The following GRM7 variants were observed in gnomAD, a reference collection of about 807,000 sequenced individuals.
The protein encoded by GRM7 is metabotropic glutamate receptor 7.
In GRM7, 35 loss-of-function variants were observed where a neutral mutation model predicts 84.5. The ratio of observed to expected loss-of-function variants is 0.41; its 90% CI spans 0.32 to 0.55. The LOEUF (loss-of-function observed/expected upper bound fraction) is 0.55, where lower values mean the gene tolerates loss of function less well. Ranked by LOEUF, GRM7 falls within the 20% of genes least tolerant of loss-of-function variation. The pLI is 0.19. For missense variants in GRM7, 1,003 were observed against 1,194.6 expected, an observed-to-expected ratio of 0.84 and a Z score of 2.36; for synonymous variants, 487 against 455.1, an observed-to-expected ratio of 1.07 and a Z score of -0.89.
At chr3:7,070,619 G>A (rs1215017647) in intron 1 of GRM7, among the ~76,000 whole-genome samples, 1 of 152,002 alleles carries the variant, frequency 6.6e-6, no homozygotes, top group Non-Finnish European at 1.5e-5. Flanking sequence ...TCACTACGGG[G>A]ATATAACGGA....
intron 2 of GRM7, among the ~76,000 whole-genome samples, chr3:7,282,077 C>T (rs1699270986): frequency 6.6e-6 from 1 of 152,072 alleles, no homozygotes; most frequent in African/African-American, 2.4e-5. Context: ...GATGAGACTC[C>T]ATCTCTACGA....
intron 7 of GRM7, among the ~76,000 whole-genome samples, chr3:7,467,990 G>T (rs931839901): frequency 2.6e-5 from 4 of 152,056 alleles, no homozygotes; most frequent in Non-Finnish European, 5.9e-5. Flanking sequence ...TAGAATTTTG[G>T]CTGTCACAGA....
chr3:7,016,767 T>G (rs1695581833), intron 1 of GRM7, among the ~76,000 whole-genome samples: 1 of 152,202 alleles, frequency 6.6e-6, no homozygotes, highest in African/African-American at 2.4e-5. Context: ...CGTATTCATT[T>G]TAATCCTCAT....
chr3:7,209,918 C>T (rs930623095), intron 2 of GRM7, among the ~76,000 whole-genome samples: 1 of 151,998 alleles, frequency 6.6e-6, no homozygotes, highest in Non-Finnish European at 1.5e-5. Flanking sequence ...CTCTCAAGTA[C>T]AAGGGGAGAG....
chr3:7,031,767 C>T (rs958150765), intron 1 of GRM7, among the ~76,000 whole-genome samples: 8 of 151,928 alleles, frequency 5.3e-5, no homozygotes, highest in African/African-American at 1.9e-4. Context: ...ATTCCTGTGT[C>T]CCATGTAGAA....
At chr3:7,413,717 T>C (rs1226437187) in intron 4 of GRM7, among the ~76,000 whole-genome samples, 2 of 152,078 alleles carry the variant, frequency 1.3e-5, no homozygotes, top group Admixed American at 6.6e-5. Context: ...ATACAGTAAG[T>C]TGGTGATGGA....
chr3:7,454,102 T>TCTCTCTCC (rs1575360065), intron 6 of GRM7, among the ~76,000 whole-genome samples: 1 of 82,188 alleles, frequency 1.2e-5, no homozygotes, highest in African/African-American at 3.2e-5. Flanking sequence ...TCTCTCTCTC[T>TCTCTCTCC]CTCTCTCTCT....
At chr3:7,595,051 A>G (rs1695975402) in intron 8 of GRM7, among the ~76,000 whole-genome samples, 1 of 152,134 alleles carries the variant, frequency 6.6e-6, no homozygotes, top group African/African-American at 2.4e-5. Context: ...TATTCAGTCA[A>G]TTGTTGATTG....
intron 2 of GRM7, among the ~76,000 whole-genome samples, chr3:7,240,305 A>G (rs1697509722): frequency 6.6e-6 from 1 of 151,422 alleles, no homozygotes; most frequent in African/African-American, 2.4e-5. Context: ...GACTTGTGAT[A>G]GTGAGGGGCC....
At chr3:7,218,075 G>C (rs1469257445) in intron 2 of GRM7, among the ~76,000 whole-genome samples, 2 of 152,064 alleles carry the variant, frequency 1.3e-5, no homozygotes, top group Non-Finnish European at 2.9e-5. Flanking sequence ...TGACTCTGTA[G>C]TGACTGGGAT....
At chr3:7,672,060 T>G (rs934272270) in intron 8 of GRM7, among the ~76,000 whole-genome samples, 1 of 152,064 alleles carries the variant, frequency 6.6e-6, no homozygotes, top group Non-Finnish European at 1.5e-5. Context: ...TTCTAAAGGA[T>G]GCAAACTCCC....
intron 2 of GRM7, among the ~76,000 whole-genome samples, chr3:7,173,354 G>A (rs1695046002): frequency 6.6e-6 from 1 of 152,150 alleles, no homozygotes; most frequent in Non-Finnish European, 1.5e-5. Flanking sequence ...AGGGACATCA[G>A]AAAAAACTTA....
intron 9 of GRM7, among the ~76,000 whole-genome samples, chr3:7,738,713 T>G (rs1702584136): frequency 6.7e-6 from 1 of 150,300 alleles, no homozygotes. Context: ...AGTACAAGCT[T>G]CTGGGTTTTC....
intron 2 of GRM7, among the ~76,000 whole-genome samples, chr3:7,164,136 A>G (rs1694722645): frequency 6.6e-6 from 1 of 152,204 alleles, no homozygotes; most frequent in Admixed American, 6.5e-5. Flanking sequence ...AGGTGGGCAG[A>G]ACACTTGAGG....
intron 4 of GRM7, among the ~76,000 whole-genome samples, chr3:7,413,487 A>T (rs894889484): frequency 3.3e-5 from 5 of 152,230 alleles, no homozygotes; most frequent in Non-Finnish European, 7.3e-5. Flanking sequence ...AGTCAGCAAG[A>T]AGTAACTAAA....
intron 1 of GRM7, among the ~76,000 whole-genome samples, chr3:6,870,705 G>T (rs965760438): frequency 6.6e-6 from 1 of 152,108 alleles, no homozygotes; most frequent in Non-Finnish European, 1.5e-5. Flanking sequence ...CTTCTAAGAA[G>T]GGATACGTTT....
chr3:7,432,922 T>G (rs1271655924), intron 5 of GRM7, among the ~76,000 whole-genome samples: 1 of 151,886 alleles, frequency 6.6e-6, no homozygotes, highest in Non-Finnish European at 1.5e-5. Flanking sequence ...ATCCCAGAAG[T>G]GAATAATGAG....
At chr3:7,018,812 G>T (rs1392135410) in intron 1 of GRM7, among the ~76,000 whole-genome samples, 1 of 152,210 alleles carries the variant, frequency 6.6e-6, no homozygotes, top group Non-Finnish European at 1.5e-5. Context: ...AGTAAGTTTT[G>T]TGGGCCAGGC....
At chr3:7,520,286 G>A (rs567445472) in intron 7 of GRM7, 1 of 152,232 alleles carries the variant, frequency 6.6e-6, no homozygotes, top group South Asian at 2.1e-4. Flanking sequence ...GAGCCCTAAA[G>A]GAAAGGCAGG....
Sources: gnomAD v4.1 joint callset for allele counts (sites outside exome capture counted in the v4.1 genomes callset) on GRCh38, gnomAD v4.1.1 for gene constraint, MANE v1.5 for transcripts, NCBI Gene and HGNC (gene_info 2026-07-23, HGNC 2026-07-21) for gene names.